CGGBP1: variants seen among roughly 807,000 people sequenced by gnomAD.
CGGBP1 encodes the protein CGG triplet repeat-binding protein 1.
In CGGBP1, 4 loss-of-function variants were observed where a neutral mutation model predicts 11.4. That is an observed-to-expected ratio of 0.35 (90% CI 0.17 to 0.80). CGGBP1 has a LOEUF of 0.80. Ranked by LOEUF, CGGBP1 falls within the 30% of genes least tolerant of loss-of-function variation. CGGBP1 has a pLI of 0.52. For synonymous variants in CGGBP1, 76 were observed against 74.1 expected (o/e 1.03, Z -0.13); for missense variants, 135 against 202.1 (o/e 0.67, Z 2.01).
At chr3:88,105,460 T>C (rs561333920) in intron 2 of CGGBP1, among the ~76,000 whole-genome samples, 1 of 152,214 alleles carries the variant, frequency 6.6e-6, no homozygotes, top group Non-Finnish European at 1.5e-5. Flanking sequence ...TTTCCATTCT[T>C]TTCCTGTTAT....
chr3:88,141,421 T>G lies in CGGBP1; in HGVS notation c.-337-343A>C, dbSNP rs147459968. ...ATTTTGATGGGAATTATTTTTCATATGCATTCCAGAATATAAATCAAGTGA... is the reference window on the plus strand; with the variant it reads ...ATTTTGATGGGAATTATTTTTCATAGGCATTCCAGAATATAAATCAAGTGA... On this transcript the variant is annotated intron_variant, in intron 1 of 3. Transcript: ENST00000462901. Among the ~76,000 whole-genome samples, 401 of 152,196 alleles carry G rather than the reference T, an allele frequency of 2.6e-3. 1 individual carries two copies. Among genetic ancestry groups the G allele is most frequent in the African/African-American group, 9.4e-3 (390 of 41,548 alleles).
At chr3:88,059,395 G>A (rs1390041704), upstream of CGGBP1, 1 of 1,535,040 alleles carries the variant, frequency 6.5e-7, no homozygotes. Flanking sequence ...GTCCCCGCTG[G>A]GCCCTGTGGG....
Position 88,055,370 on chromosome 3 carries a change from T to C in CGGBP1, c.*103A>G. On this transcript the variant is annotated 3_prime_UTR_variant, in exon 4 of 4. Coordinates refer to ENST00000482016, the MANE Select transcript of CGGBP1 (RefSeq NM_001008390.2). This position sits in a 1 kb window ranked among gnomAD's most constrained non-coding sequence, Gnocchi z 4.2. ...ATACACATTGCAAAACTATTCTGCG[T>C]CACATGATTTTAAATGAAATAAATA... The C allele has an allele frequency of 4.3e-6, 5 of 1,168,204 alleles. No homozygotes were observed. Among genetic ancestry groups the C allele is most frequent in the Non-Finnish European group, 5.9e-6 (5 of 843,786 alleles). 72.4% of individuals were successfully genotyped at this position (1,168,204 alleles called of 1,614,324 possible).
upstream of CGGBP1, chr3:88,059,234 A>C: frequency 5.3e-6 from 8 of 1,514,554 alleles, no homozygotes; most frequent in Non-Finnish European, 6.2e-6. Context: ...GGGGGAGGGA[A>C]CTAGAGAGGA....
At chr3:88,075,753 CT>C (rs35978382) in intron 2 of CGGBP1, among the ~76,000 whole-genome samples, 2 of 151,248 alleles carry the variant, frequency 1.3e-5, no homozygotes, top group Admixed American at 6.6e-5. Flanking sequence ...GCCTATCTTC[CT>C]TTTTTTTTCT....
intron 2 of CGGBP1, among the ~76,000 whole-genome samples, chr3:88,109,252 G>A: frequency 6.6e-6 from 1 of 151,682 alleles, no homozygotes; most frequent in East Asian, 1.9e-4. Flanking sequence ...AAGATTAAGT[G>A]CATTAGAATA....
At chr3:88,125,708 C>T (rs1706058655) in intron 2 of CGGBP1, among the ~76,000 whole-genome samples, 2 of 152,190 alleles carry the variant, frequency 1.3e-5, no homozygotes, top group Admixed American at 6.5e-5. Context: ...CAGAGAGAGA[C>T]TTTACATTTA....
chr3:88,075,115 A>G (rs983141925), intron 2 of CGGBP1, among the ~76,000 whole-genome samples: 5 of 152,122 alleles, frequency 3.3e-5, no homozygotes, highest in African/African-American at 1.2e-4. Context: ...TTCCTACTTT[A>G]TATTTCCATC....
rs1194279166 is a variant in CGGBP1 at position 88,054,822 on chromosome 3, A to T, written c.*651T>A. The T allele has an allele frequency of 2.0e-5, 3 of 152,636 alleles. No homozygotes were observed. The highest frequency in any genetic ancestry group is 7.2e-5 in the African/African-American group (3 of 41,434). The allele number at this position is 152,636 out of a possible 1,614,324, so 9.5% of individuals were successfully genotyped here. ...CCCTTGGCTTTTGGCATTGACGTTG[A>T]AAGATTTTAGTCTTTTGGTCACTTG... On this transcript the variant is annotated 3_prime_UTR_variant, in exon 4 of 4. Transcript: ENST00000482016.
intron 1 of CGGBP1, among the ~76,000 whole-genome samples, chr3:88,147,389 T>G (rs752562985): frequency 2.6e-5 from 4 of 152,170 alleles, no homozygotes; most frequent in Non-Finnish European, 5.9e-5. Flanking sequence ...GGGAAGAATA[T>G]GCCAGGGGCA....
intron 2 of CGGBP1, among the ~76,000 whole-genome samples, chr3:88,088,534 T>A (rs1289482906): frequency 2.6e-5 from 4 of 152,008 alleles, no homozygotes; most frequent in African/African-American, 9.7e-5. Context: ...TGGTTAAAAT[T>A]TAAAGTTCTG....
At chr3:88,141,237 G>T (rs1707110607) in intron 1 of CGGBP1, among the ~76,000 whole-genome samples, 1 of 152,038 alleles carries the variant, frequency 6.6e-6, no homozygotes, top group South Asian at 2.1e-4. Context: ...CTGTTTTATA[G>T]ATCAAGCAAC....
At chr3:88,141,341 C>CT (rs912392149) in intron 1 of CGGBP1, among the ~76,000 whole-genome samples, 2 of 55,318 alleles carry the variant, frequency 3.6e-5, no homozygotes, top group African/African-American at 7.9e-5. Flanking sequence ...GATTATACTT[C>CT]TTCACTGTAT....
intron 2 of CGGBP1, among the ~76,000 whole-genome samples, chr3:88,107,095 C>T (rs1055301551): frequency 6.6e-5 from 10 of 152,110 alleles, no homozygotes; most frequent in Non-Finnish European, 1.3e-4. Flanking sequence ...ATTGTCTACC[C>T]CCAGAAAAAC....
intron 2 of CGGBP1, among the ~76,000 whole-genome samples, chr3:88,132,869 G>A (rs892916227): frequency 1.8e-4 from 27 of 152,188 alleles, no homozygotes; most frequent in African/African-American, 6.5e-4. Flanking sequence ...ATTTGTACTA[G>A]TTAGTTTGCA....
chr3:88,063,534 A>G (rs1378956757), upstream of CGGBP1, among the ~76,000 whole-genome samples: 1 of 152,198 alleles, frequency 6.6e-6, no homozygotes, highest in East Asian at 1.9e-4. Flanking sequence ...TAGGATTTAC[A>G]TAATACTTAT....
chr3:88,063,649 G>A (rs1707022010), upstream of CGGBP1, among the ~76,000 whole-genome samples: 1 of 152,028 alleles, frequency 6.6e-6, no homozygotes, highest in Non-Finnish European at 1.5e-5. Flanking sequence ...AATGTACTTA[G>A]TTTTAAGAAG....
chr3:88,088,009 T>TAC (rs1393495684), intron 2 of CGGBP1, among the ~76,000 whole-genome samples: 3 of 152,216 alleles, frequency 2.0e-5, no homozygotes, highest in Admixed American at 1.3e-4. Context: ...TAAGTATAAA[T>TAC]ACAAATACTA....
At chr3:88,122,282 G>C (rs1393310273) in intron 2 of CGGBP1, among the ~76,000 whole-genome samples, 6 of 152,148 alleles carry the variant, frequency 3.9e-5, no homozygotes. Flanking sequence ...CTGAAGAAAA[G>C]AATACATGAT....
Sources: gnomAD v4.1 joint callset for allele counts (sites outside exome capture counted in the v4.1 genomes callset) on GRCh38, gnomAD v4.1.1 for gene constraint, Gnocchi (gnomAD v3.1) non-coding constraint, MANE v1.5 for transcripts, NCBI Gene and HGNC (gene_info 2026-07-23, HGNC 2026-07-21) for gene names.